Variants in CSPG4 observed in about 807,000 individuals in gnomAD.
CSPG4 encodes the protein chondroitin sulfate proteoglycan 4, also known as chondroitin sulfate proteoglycan 4 (melanoma-associated).
Under a neutral mutation model 139.3 loss-of-function variants are expected in CSPG4, and 74 were observed. The ratio of observed to expected loss-of-function variants is 0.53; its 90% CI spans 0.44 to 0.64. The LOEUF (loss-of-function observed/expected upper bound fraction) is 0.64. CSPG4 is among the 30% of genes least tolerant of loss of function. The probability of loss-of-function intolerance (pLI) is 0.00; values close to 1 mark genes in which losing one functional copy is unlikely to be tolerated. For synonymous variants in CSPG4, 1,234 were observed against 1,394.2 expected, an observed-to-expected ratio of 0.89 and a Z score of 2.56; for missense variants, 2,565 against 3,148.3, an observed-to-expected ratio of 0.81 and a Z score of 4.43.
chr15:75,690,335 C>A lies in CSPG4; in HGVS notation c.730G>T (p.Gly244Trp). The A allele has an allele frequency of 1.2e-6, 2 of 1,612,456 alleles. No homozygotes were observed. The highest frequency in any genetic ancestry group is 1.7e-6 in the Non-Finnish European group (2 of 1,179,706). The part of the protein sequence containing the change: ...SRQAPLAFQA[G>W]GRRGDFIYVD... ...TAGATGAAGTCCCCACGCCGGCCCC[C>A]TGCCTGGAAGGCCAAGGGTGCCTGC... The change falls in exon 3 of 10, where the codon GGG becomes TGG. Residue 244 changes from glycine to tryptophan, a missense_variant. Physicochemically the swap from Gly to Trp is radical, Grantham distance 184. Coordinates refer to ENST00000308508, the MANE Select transcript of CSPG4 (RefSeq NM_001897.5).
At chr15:75,684,465 CAGA>C (rs1471164528) in intron 5 of CSPG4, among the ~76,000 whole-genome samples, 3 of 152,242 alleles carry the variant, frequency 2.0e-5, no homozygotes, top group African/African-American at 7.2e-5. Context: ...TCCTTAGCCA[CAGA>C]AGAAGGAACA....
At chr15:75,679,100 A>C (rs1596005877) in intron 8 of CSPG4, 2 of 215,852 alleles carry the variant, frequency 9.3e-6, no homozygotes, top group South Asian at 6.3e-5. Flanking sequence ...CTGTGCTGAG[A>C]CCCCCTTATT....
In CSPG4 at chr15:75,682,713, G is replaced by A. The variant is rs994380451; in HGVS notation, c.4677C>T (p.Arg1559=). 1 of 1,612,794 alleles carries A rather than the reference G, an allele frequency of 6.2e-7. No individual in the cohort carries two copies. Residue 1559 remains arginine (R), a synonymous_variant, in exon 7 of 10, where the codon CGC becomes CGT. Transcript: ENST00000308508. ...RGTLDGGFRF[R]LSDGEHTSPG... Reference sequence around the variant, plus strand: ...GGGAAGTGTGCTCGCCGTCAGAGAGGCGGAAGCGGAAGCCTCCATCCAGGG... The same window carrying A: ...GGGAAGTGTGCTCGCCGTCAGAGAGACGGAAGCGGAAGCCTCCATCCAGGG...
At chr15:75,701,587 C>G (rs1157539217) in intron 1 of CSPG4, among the ~76,000 whole-genome samples, 1 of 142,304 alleles carries the variant, frequency 7.0e-6, no homozygotes, top group Non-Finnish European at 1.6e-5. Context: ...AGCCTGTGGG[C>G]CCCCCCTGGA....
At position 75,698,159 on chromosome 15, in the gene CSPG4, A is replaced by G. The variant is rs1009218529; in HGVS notation, c.89-4926T>C. 1.3e-5 allele frequency among the ~76,000 whole-genome samples: 2 copies of G among 152,108 alleles called. No homozygotes were observed. The highest frequency in any genetic ancestry group is 2.9e-5 in the Non-Finnish European group (2 of 68,006). On this transcript the variant is annotated intron_variant, in intron 1 of 9. Coordinates refer to ENST00000308508, the MANE Select transcript of CSPG4 (RefSeq NM_001897.5). The surrounding 1 kb of genome is among the most constrained non-coding windows in gnomAD (Gnocchi z 4.3). The stretch of plus-strand genomic sequence containing the variant: ...CTCCAAGACGAAGCCAGACTTCTCC[A>G]TCACCGCCCCTCGGGGTTTGGCACC...
In CSPG4 at chr15:75,675,746, T is replaced by A; in HGVS notation, c.6773A>T (p.Gln2258Leu). The A allele has an allele frequency of 6.2e-7, 1 of 1,608,962 alleles. No homozygotes were observed. The highest frequency in any genetic ancestry group is 8.5e-7 in the Non-Finnish European group (1 of 1,176,732). Residue 2258 changes from glutamine (Q) to leucine (L), a missense_variant, in exon 10 of 10, where the codon CAG becomes CTG. Physicochemically the swap from Gln to Leu is moderately radical, Grantham distance 113. Coordinates refer to ENST00000308508, the MANE Select transcript of CSPG4 (RefSeq NM_001897.5). ...GTTGCGGGGCTTGGCAGTCAGGACC[T>A]GGACGTCATGCTTGCCCGTCTTGTT... The part of the protein sequence containing the change: ...KRNKTGKHDV[Q>L]VLTAKPRNGL...
At position 75,712,821 on chromosome 15, in the gene CSPG4, G is replaced by A; in HGVS notation, c.-66C>T. 7.2e-7 allele frequency: 1 copy of A among 1,380,440 alleles called. No homozygotes were observed. 85.5% of individuals were successfully genotyped at this position (1,380,440 alleles called of 1,614,324 possible). On this transcript the variant is annotated 5_prime_UTR_variant, in exon 1 of 10. Transcript: ENST00000308508. ...AGTCCTGGGAGCTGGGAGCTGAGTG[G>A]AGCGAGCGCGGCTCTGCTCCTGGGC...
At chr15:75,708,825 G>A (rs1894407269) in intron 1 of CSPG4, among the ~76,000 whole-genome samples, 1 of 152,176 alleles carries the variant, frequency 6.6e-6, no homozygotes, top group South Asian at 2.1e-4. Flanking sequence ...CCAGGAGTTC[G>A]AGACCAGCCT....
rs1255832941 is a variant in CSPG4 at position 75,685,404 on chromosome 15, G to A, written c.4087C>T (p.Gln1363Ter). The A allele has an allele frequency of 6.2e-7, 1 of 1,611,764 alleles. No homozygotes were observed. The highest frequency in any genetic ancestry group is 2.2e-5 in the East Asian group (1 of 44,862). Residue 1363 changes from glutamine (Q) to a stop codon, truncating the protein, a stop_gained, in exon 4 of 10, where the codon CAA (glutamine) becomes TAA (stop). Transcript: ENST00000308508. LOFTEE classifies it high-confidence loss of function. ...VLPAAIPLEA[Q>*]NFSVPEGGSL... ...CCACCCTCAGGGACGCTGAAGTTTT[G>A]CGCCTCTAGTGGGATGGCAGCGGGC...
chr15:75,677,944 T>C, intron 8 of CSPG4, 58 bp from the exon 9 acceptor site: 5 of 1,494,432 alleles, frequency 3.3e-6, no homozygotes, highest in Non-Finnish European at 4.5e-6. Context: ...GTCCAGACAC[T>C]GAGCACTTTT....
At chr15:75,680,768 T>G (rs1015131346) in intron 8 of CSPG4, 1 of 153,502 alleles carries the variant, frequency 6.5e-6, no homozygotes, top group Non-Finnish European at 1.5e-5. Flanking sequence ...CCTGTTTCCT[T>G]ATCTGAAAAA....
chr15:75,708,483 G>C (rs1188819813), intron 1 of CSPG4, among the ~76,000 whole-genome samples: 2 of 150,072 alleles, frequency 1.3e-5, no homozygotes, highest in Non-Finnish European at 3.0e-5. Context: ...TGGAAAGGGA[G>C]AGAACGCTGG....
intron 8 of CSPG4, among the ~76,000 whole-genome samples, chr15:75,681,083 A>AG (rs1893968038): frequency 6.6e-6 from 1 of 151,986 alleles, no homozygotes; most frequent in South Asian, 2.1e-4. Context: ...CCAGCAACTG[A>AG]GGGTACGCAG....
Position 75,676,174 on chromosome 15 carries a change from C to T in CSPG4, c.6345G>A (p.Gln2115=), listed in dbSNP as rs769283943. Residue 2115 remains glutamine (Q), a synonymous_variant, in exon 10 of 10, where the codon CAG becomes CAA. Transcript: ENST00000308508. ...GGSQLVEQFT[Q]QDLEDGRLGL... ...CCAGCCTCCCGTCCTCAAGGTCCTG[C>T]TGAGTGAACTGCTCCACCAGCTGGC... 1 of 1,551,030 alleles carries T rather than the reference C, an allele frequency of 6.4e-7. No homozygotes were observed. Among genetic ancestry groups the T allele is most frequent in the South Asian group, 1.2e-5 (1 of 85,550 alleles).
chr15:75,701,550 C>G (rs918094568), intron 1 of CSPG4, among the ~76,000 whole-genome samples: 1 of 152,158 alleles, frequency 6.6e-6, no homozygotes, highest in Non-Finnish European at 1.5e-5. Flanking sequence ...CCTAGCACCC[C>G]CACCTGCCAA....
At position 75,674,523 on chromosome 15, in the gene CSPG4, C is replaced by A; in HGVS notation, c.*1027G>T. 2.6e-6 allele frequency: 1 copy of A among 386,232 alleles called. No homozygotes were observed. The highest frequency in any genetic ancestry group is 2.1e-5 in the African/African-American group (1 of 48,484). The allele number at this position is 386,232 out of a possible 1,614,324, so 23.9% of individuals were successfully genotyped here. The stretch of plus-strand genomic sequence containing the variant: ...TGCCTGGCCCTGTCCATCCCACTGG[C>A]TGAGGCCAGGCCGGAGGGCCGACCC... On this transcript the variant is annotated 3_prime_UTR_variant, in exon 10 of 10. Transcript: ENST00000308508.
rs748604936 is a variant in CSPG4, at chr15:75,688,912, C to T, written c.2153G>A (p.Gly718Asp). 5.6e-6 allele frequency: 9 copies of T among 1,612,390 alleles called. No individual in the cohort carries two copies. The highest frequency in any genetic ancestry group is 7.6e-6 in the Non-Finnish European group (9 of 1,179,992). Reference sequence around the variant, plus strand: ...CCACCACTCAGCACCCTCCACCCCACCTGCCCCCTGCTTCTGCAGCTCCCC... The same window carrying T: ...CCACCACTCAGCACCCTCCACCCCATCTGCCCCCTGCTTCTGCAGCTCCCC... ...QFGELQKQGA[G>D]GVEGAEWWAT... The change falls in exon 3 of 10, where the codon GGT becomes GAT. Residue 718 changes from glycine to aspartate, a missense_variant. By Grantham distance (94) the Gly-to-Asp change is moderately conservative. Around this residue, in one of 5 missense-constraint regions of CSPG4, gnomAD observed 2,316 missense variants for 2,818.2 expected, o/e 0.82. Transcript: ENST00000308508.
At position 75,685,273 on chromosome 15, in the gene CSPG4, C is replaced by T. The variant is rs1894038147; in HGVS notation, c.4218G>A (p.Leu1406=). ...QVLEPPQHGA[L]QKEDGPQART... ...TGGCTTGAGGTCCGTCCTCCTTCTG[C>T]AGGGCTCCATGCTGGGGTGGCTCCA... is the stretch of plus-strand genomic sequence containing the variant. Residue 1406 remains leucine (L), a synonymous_variant, in exon 4 of 10, where the codon CTG becomes CTA. Coordinates refer to ENST00000308508, the MANE Select transcript of CSPG4 (RefSeq NM_001897.5). 6.4e-7 allele frequency: 1 copy of T among 1,559,520 alleles called. No individual in the cohort carries two copies.
At position 75,689,271 on chromosome 15, in the gene CSPG4, G is replaced by C. The variant is rs780108735; in HGVS notation, c.1794C>G (p.Ser598=). The C allele has an allele frequency of 1.3e-5, 21 of 1,610,610 alleles. No homozygotes were observed. The highest frequency in any genetic ancestry group is 8.8e-5 in the South Asian group (8 of 90,998). The change falls in exon 3 of 10, where the codon TCC becomes TCG. Residue 598 remains serine, a synonymous_variant. Transcript: ENST00000308508. ...CTCGGCGCTCCACGGGGAGGCCAGA[G>C]GAGGTGCCAAGGACCTGGAAGGTGA... is the stretch of plus-strand genomic sequence containing the variant. The part of the protein sequence containing the change: ...EGLTFQVLGT[S]SGLPVERRDQ...
Sources: allele counts gnomAD v4.1 joint callset (sites outside exome capture counted in the v4.1 genomes callset), GRCh38; gene constraint gnomAD v4.1.1; regional missense constraint gnomAD v4.1.1; non-coding constraint Gnocchi (gnomAD v3.1); transcripts MANE v1.5; gene names NCBI Gene and HGNC (gene_info 2026-07-23, HGNC 2026-07-21).